Variants in ATIC observed in about 807,000 individuals in gnomAD.
The protein encoded by ATIC is bifunctional purine biosynthesis protein ATIC.
A neutral mutation model predicts 72.5 loss-of-function variants in ATIC; 64 were observed. The ratio of observed to expected loss-of-function variants is 0.88; its 90% CI spans 0.72 to 1.09. The LOEUF is 1.09. Ranked by LOEUF, ATIC falls within the 50% of genes least tolerant of loss-of-function variation. The pLI, the probability that ATIC is intolerant of heterozygous loss-of-function variation, is 0.00. For missense variants in ATIC, 787 were observed against 732.4 expected (o/e 1.07, Z -0.86); for synonymous variants, 281 against 267.1 (o/e 1.05, Z -0.51).
chr2:215,358,042 A>G, the ATIC span, among the ~76,000 whole-genome samples: 1 of 152,202 alleles, frequency 6.6e-6, no homozygotes, highest in Non-Finnish European at 1.5e-5. Context: ...TAGAAGTTTC[A>G]ATGGAAATAT....
chr2:215,319,851 C>G, intron 4 of ATIC, 120 bp downstream of exon 4: 1 of 827,840 alleles, frequency 1.2e-6, no homozygotes, highest in Non-Finnish European at 2.0e-6. Context: ...TTCTGTGTGA[C>G]TTTGTATGTG....
At chr2:215,329,346 T>C (rs1437311805) in intron 7 of ATIC, among the ~76,000 whole-genome samples, 3 of 152,248 alleles carry the variant, frequency 2.0e-5, no homozygotes, top group East Asian at 3.8e-4. Flanking sequence ...AGACTGTGTG[T>C]GCGTTTCTTT....
intron 14 of ATIC, 96 bp from the exon 15 acceptor site, chr2:215,348,998 A>G (rs2053101307): frequency 2.4e-6 from 3 of 1,230,076 alleles, no homozygotes; most frequent in Non-Finnish European, 3.4e-6. Flanking sequence ...AAGTCCTAAG[A>G]AAAATGCCCA....
At chr2:215,332,064 G>A (rs1302867171) in intron 7 of ATIC, among the ~76,000 whole-genome samples, 2 of 151,366 alleles carry the variant, frequency 1.3e-5, no homozygotes, top group Admixed American at 6.6e-5. Context: ...TCTTGTCATA[G>A]TTTCTCCCAT....
At chr2:215,329,462 T>A (rs1326220488) in intron 7 of ATIC, among the ~76,000 whole-genome samples, 2 of 152,182 alleles carry the variant, frequency 1.3e-5, no homozygotes, top group African/African-American at 4.8e-5. Flanking sequence ...AACATGGGCT[T>A]ATTTCCACAA....
chr2:215,320,426 T>C (rs2052754345), intron 4 of ATIC, among the ~76,000 whole-genome samples: 1 of 152,148 alleles, frequency 6.6e-6, no homozygotes, highest in African/African-American at 2.4e-5. Context: ...ACAAGAAGTG[T>C]GGTGCCAGCA....
chr2:215,365,053 G>T, the ATIC span: 1 of 1,032,852 alleles, frequency 9.7e-7, no homozygotes, highest in Non-Finnish European at 1.5e-6. Flanking sequence ...ATCTAGGGGT[G>T]GGTTCTATTT....
chr2:215,328,322 G>A (rs1315837582), intron 7 of ATIC, among the ~76,000 whole-genome samples: 1 of 152,048 alleles, frequency 6.6e-6, no homozygotes, highest in Non-Finnish European at 1.5e-5. Flanking sequence ...AATGGAAATC[G>A]GATGATGTCA....
chr2:215,317,814 A>G (rs532323470), intron 2 of ATIC, among the ~76,000 whole-genome samples: 2 of 152,096 alleles, frequency 1.3e-5, no homozygotes, highest in East Asian at 3.9e-4. Flanking sequence ...GCTTTTTGTT[A>G]CATACTGCCA....
chr2:215,358,116 C>T, the ATIC span, among the ~76,000 whole-genome samples: 4 of 152,240 alleles, frequency 2.6e-5, no homozygotes, highest in East Asian at 7.7e-4. Context: ...TTATTCACCT[C>T]CATAGAAAGG....
At chr2:215,338,522 A>C (rs544028397) in intron 11 of ATIC, among the ~76,000 whole-genome samples, 2 of 152,342 alleles carry the variant, frequency 1.3e-5, no homozygotes, top group African/African-American at 4.8e-5. Context: ...ACTATTGGGT[A>C]GTAAAATCTA....
rs746800538 is a variant in ATIC at position 215,312,513 on chromosome 2, C to T, written c.35C>T (p.Ser12Phe). The T allele has an allele frequency of 3.7e-6, 6 of 1,614,214 alleles. No individual in the cohort carries two copies. In the South Asian group the frequency reaches 6.6e-5, roughly 18 times the overall value. Residue 12 changes from serine (S) to phenylalanine (F), a missense_variant, in exon 2 of 16, where the codon TCT becomes TTT. Coordinates refer to ENST00000236959, the MANE Select transcript of ATIC (RefSeq NM_004044.7). ...APGQLALFSV[S>F]DKTGLVEFAR... ...TCTCTTTCAGCCTTATTTAGTGTCT[C>T]TGACAAAACCGGCCTTGTGGAATTT...
chr2:215,335,900 CGTTAG>C, intron 10 of ATIC, 130 bp from the exon 11 acceptor site: 1 of 683,980 alleles, frequency 1.5e-6, no homozygotes, highest in Non-Finnish European at 2.5e-6. Flanking sequence ...TCAAGTATAG[CGTTAG>C]CATTGTTTGT....
the ATIC span, among the ~76,000 whole-genome samples, chr2:215,355,226 A>G: frequency 6.6e-6 from 1 of 152,038 alleles, no homozygotes; most frequent in Non-Finnish European, 1.5e-5. Flanking sequence ...GAAGTTGAGC[A>G]CTTTGGGAGG....
chr2:215,351,134 A>G (rs2053127351), downstream of ATIC, among the ~76,000 whole-genome samples: 1 of 152,186 alleles, frequency 6.6e-6, no homozygotes, highest in African/African-American at 2.4e-5. Flanking sequence ...ACCACGTTGT[A>G]AGAGTTAAGC....
intron 7 of ATIC, among the ~76,000 whole-genome samples, chr2:215,331,486 G>A (rs777012331): frequency 1.3e-5 from 2 of 150,434 alleles, no homozygotes; most frequent in African/African-American, 4.9e-5. Context: ...AGGTTCAAGC[G>A]ATTCTCCTGC....
At chr2:215,321,555 C>A (rs1055613893) in intron 4 of ATIC, among the ~76,000 whole-genome samples, 2 of 152,122 alleles carry the variant, frequency 1.3e-5, no homozygotes, top group Non-Finnish European at 2.9e-5. Flanking sequence ...GAACTGCGAC[C>A]CTGTATTTCA....
chr2:215,320,100 T>G (rs768224425), intron 4 of ATIC, among the ~76,000 whole-genome samples: 1 of 152,226 alleles, frequency 6.6e-6, no homozygotes, highest in Non-Finnish European at 1.5e-5. Flanking sequence ...CCAAGTGTCA[T>G]GTTGACGCTC....
intron 12 of ATIC, among the ~76,000 whole-genome samples, chr2:215,341,329 A>AGTTGTGCCT (rs1575123852): frequency 6.6e-6 from 1 of 152,138 alleles, no homozygotes; most frequent in East Asian, 1.9e-4. Flanking sequence ...CCATGTTGAG[A>AGTTGTGCCT]ATTGTGCCTA....
Sources: gnomAD v4.1 joint callset for allele counts (sites outside exome capture counted in the v4.1 genomes callset) on GRCh38, gnomAD v4.1.1 for gene constraint, MANE v1.5 for transcripts, NCBI Gene and HGNC (gene_info 2026-07-23, HGNC 2026-07-21) for gene names.